ADARB1: variants seen among roughly 807,000 people sequenced by gnomAD.
The protein encoded by ADARB1 is double-stranded RNA-specific editase 1.
ADARB1 carries 10 observed loss-of-function variants against 52.4 expected under a neutral mutation model. The observed-to-expected ratio is 0.19, with a 90% CI of 0.12 to 0.32. The LOEUF (loss-of-function observed/expected upper bound fraction) is 0.32, where lower values mean the gene tolerates loss of function less well. ADARB1 is among the 10% of genes least tolerant of loss of function. The pLI is 1.00. For synonymous variants in ADARB1, 349 were observed against 371.1 expected, an observed-to-expected ratio of 0.94 and a Z score of 0.68; for missense variants, 643 against 922.3, an observed-to-expected ratio of 0.70 and a Z score of 3.92.
rs1156947553 is a variant in ADARB1 at position 45,109,212 on chromosome 21, CGT to C, written c.-219-19184_-219-19183del. ...ATGTGTGTGCACGTGTGTTTGCGCG[CGT>C]GTGTGCGCGCTTGTGTGTATATGTG... On this transcript the variant is annotated intron_variant, in intron 1 of 10. Coordinates refer to ENST00000348831, the MANE Select transcript of ADARB1 (RefSeq NM_001112.4). 6.9e-3 allele frequency among the ~76,000 whole-genome samples: 994 copies of C among 143,624 alleles called. 10 individuals carry two copies. Among genetic ancestry groups the C allele is most frequent in the Non-Finnish European group, 0.011 (721 of 65,602 alleles). The allele number at this position is 143,624 out of a possible 152,430, so 94.2% of individuals were successfully genotyped here. A position where few individuals can be genotyped will look rare whatever the true frequency, so the allele number is the denominator to read the frequency against.
rs887801751 is a variant in ADARB1, at chr21:45,128,604, A to G, written c.-48+31A>G. On this transcript the variant is annotated intron_variant, in intron 2 of 10. Transcript: ENST00000348831. The surrounding 1 kb of genome is among the most constrained non-coding windows in gnomAD (Gnocchi z 4.6). ...TAAAAACCTGTAAAGATCTGATCAA[A>G]TCTGACTGGTAGAAATGCCTTTTTC... 2 of 152,288 alleles carry G rather than the reference A, an allele frequency of 1.3e-5. No homozygotes were observed. The highest frequency in any genetic ancestry group is 4.8e-5 in the African/African-American group (2 of 41,476). The allele number at this position is 152,288 out of a possible 1,614,324, so 9.4% of individuals were successfully genotyped here. A position where few individuals can be genotyped will look rare whatever the true frequency, so the allele number is the denominator to read the frequency against.
chr21:45,188,883 A>G (rs570741774), intron 8 of ADARB1, among the ~76,000 whole-genome samples: 8 of 152,206 alleles, frequency 5.3e-5, no homozygotes, highest in Non-Finnish European at 1.2e-4. Flanking sequence ...TTACAAAAGA[A>G]AGAGGTTTAA....
In ADARB1 at chr21:45,176,811, G is replaced by C; in HGVS notation, c.963+147G>C. The C allele has an allele frequency of 2.0e-6, 2 of 982,062 alleles. No homozygotes were observed. The highest frequency in any genetic ancestry group is 2.9e-6 in the Non-Finnish European group (2 of 687,590). 60.8% of individuals were successfully genotyped at this position (982,062 alleles called of 1,614,324 possible). A position where few individuals can be genotyped will look rare whatever the true frequency, so the allele number is the denominator to read the frequency against. On this transcript the variant is annotated intron_variant, in intron 4 of 10. Transcript: ENST00000348831. The surrounding 1 kb of genome is among the most constrained non-coding windows in gnomAD (Gnocchi z 5.8). ...GGAGGAGTTACTGGTAAGTCTGGCT[G>C]CTTGATTTCCATGGCCATGTGGCCA...
At chr21:45,163,731 C>T (rs982288680) in intron 2 of ADARB1, among the ~76,000 whole-genome samples, 4 of 152,182 alleles carry the variant, frequency 2.6e-5, no homozygotes, top group South Asian at 2.1e-4. Context: ...CGGGTGTGGA[C>T]GGTGTGCTCC....
intron 2 of ADARB1, among the ~76,000 whole-genome samples, chr21:45,162,314 C>T (rs2091014125): frequency 6.6e-6 from 1 of 152,158 alleles, no homozygotes; most frequent in African/African-American, 2.4e-5. Context: ...GAGCCAGTGT[C>T]CATGCCAGTG....
chr21:45,126,514 C>A (rs1458301121), intron 1 of ADARB1, among the ~76,000 whole-genome samples: 1 of 152,166 alleles, frequency 6.6e-6, no homozygotes, highest in African/African-American at 2.4e-5. Context: ...TACATCTGTT[C>A]CTCCATTTAA....
chr21:45,195,562 C>T (rs765687265), intron 8 of ADARB1, among the ~76,000 whole-genome samples: 2 of 148,594 alleles, frequency 1.3e-5, no homozygotes, highest in African/African-American at 2.5e-5. Flanking sequence ...TTGTGACCTA[C>T]TTTGAGTTAA....
chr21:45,094,890 G>C (rs549938608), intron 1 of ADARB1, among the ~76,000 whole-genome samples: 1 of 152,128 alleles, frequency 6.6e-6, no homozygotes, highest in Non-Finnish European at 1.5e-5. Flanking sequence ...GGGCCTGGAC[G>C]CTCACTGAGA....
intron 1 of ADARB1, among the ~76,000 whole-genome samples, chr21:45,115,031 A>G (rs1295248457): frequency 2.0e-5 from 3 of 152,170 alleles, no homozygotes; most frequent in South Asian, 2.1e-4. Context: ...TTGGGAATAC[A>G]CTTTTTCAAG....
In ADARB1 at chr21:45,204,489, C is replaced by T; in HGVS notation, c.1566-66C>T. 6.5e-7 allele frequency: 1 copy of T among 1,537,490 alleles called. No individual in the cohort carries two copies. The highest frequency in any genetic ancestry group is 8.9e-7 in the Non-Finnish European group (1 of 1,122,194). ...CAGTGCATCCCTGTAACCACGCAGG[C>T]TTGGGCTGGGCTGCGTCGACACTGA... On this transcript the variant is annotated intron_variant, in intron 8 of 10. Coordinates refer to ENST00000348831, the MANE Select transcript of ADARB1 (RefSeq NM_001112.4). The surrounding 1 kb of genome is among the most constrained non-coding windows in gnomAD (Gnocchi z 4.4).
At chr21:45,187,601 C>G (rs2092150667) in intron 8 of ADARB1, among the ~76,000 whole-genome samples, 1 of 152,174 alleles carries the variant, frequency 6.6e-6, no homozygotes, top group South Asian at 2.1e-4. Context: ...CTTAGAGGAA[C>G]AGTTTTCAGT....
chr21:45,081,062 C>T (rs1247803682), intron 1 of ADARB1, among the ~76,000 whole-genome samples: 3 of 151,040 alleles, frequency 2.0e-5, no homozygotes, highest in African/African-American at 7.3e-5. Flanking sequence ...GTGAAGAAGC[C>T]TTCCCCAGCT....
Position 45,140,938 on chromosome 21 carries a change from C to T in ADARB1, c.-48+12365C>T, listed in dbSNP as rs561843004. On this transcript the variant is annotated intron_variant, in intron 2 of 10. Coordinates refer to ENST00000348831, the MANE Select transcript of ADARB1 (RefSeq NM_001112.4). ...AGGTGTGGTGCTCAAGCCTATAATCCTAGAACTTTGGGAGGCTGAGACAGG... is the reference window on the plus strand; with the variant it reads ...AGGTGTGGTGCTCAAGCCTATAATCTTAGAACTTTGGGAGGCTGAGACAGG... Among the ~76,000 whole-genome samples the T allele has an allele frequency of 3.9e-5, 6 of 152,150 alleles. No homozygotes were observed. The South Asian group carries it at 8.3e-4, about 21-fold the overall frequency.
chr21:45,078,431 C>A (rs2086028541), intron 1 of ADARB1, among the ~76,000 whole-genome samples: 1 of 152,194 alleles, frequency 6.6e-6, no homozygotes, highest in Non-Finnish European at 1.5e-5. Flanking sequence ...AGGAGGAGAG[C>A]AGTAAACAAG....
rs34024154 is a variant in ADARB1, at chr21:45,153,341, G to GTT, written c.-47-18260_-47-18259dup. On this transcript the variant is annotated intron_variant, in intron 2 of 10. Coordinates refer to ENST00000348831, the MANE Select transcript of ADARB1 (RefSeq NM_001112.4). ...AATTGCTGCTTTAAAAGCTGTTGAT[G>GTT]TTTTTTTTTTCTCTTTGTATAATAT... Among the ~76,000 whole-genome samples, 603 of 150,226 alleles carry GTT rather than the reference G, an allele frequency of 4.0e-3. 3 individuals carry two copies. The highest frequency in any genetic ancestry group is 0.032 in the Middle Eastern group (9 of 284).
At chr21:45,134,596 G>T (rs182907987) in intron 2 of ADARB1, 1 of 372,912 alleles carries the variant, frequency 2.7e-6, no homozygotes, top group African/African-American at 2.1e-5. Context: ...CAGAGGCGTG[G>T]CTTAGTGTTC....
At chr21:45,174,850 A>G (rs968635136) in intron 3 of ADARB1, among the ~76,000 whole-genome samples, 1 of 152,232 alleles carries the variant, frequency 6.6e-6, no homozygotes, top group Non-Finnish European at 1.5e-5. Context: ...AGGATAAACA[A>G]ATTATTCTGG....
intron 2 of ADARB1, among the ~76,000 whole-genome samples, chr21:45,143,222 A>C (rs1002652471): frequency 6.6e-6 from 1 of 151,774 alleles, no homozygotes; most frequent in Non-Finnish European, 1.5e-5. Flanking sequence ...ACCCAGCATC[A>C]CCTCTGCAGG....
At chr21:45,084,429 G>C (rs1019001829) in intron 1 of ADARB1, among the ~76,000 whole-genome samples, 1 of 152,232 alleles carries the variant, frequency 6.6e-6, no homozygotes, top group Non-Finnish European at 1.5e-5. Context: ...GGCCTTAGGG[G>C]TTAAGCGGGC....
Sources: allele counts gnomAD v4.1 joint callset (sites outside exome capture counted in the v4.1 genomes callset), GRCh38; gene constraint gnomAD v4.1.1; non-coding constraint Gnocchi (gnomAD v3.1); transcripts MANE v1.5; gene names NCBI Gene and HGNC (gene_info 2026-07-23, HGNC 2026-07-21).